Variants in NR3C2 observed in about 807,000 individuals in gnomAD.
The protein encoded by NR3C2 is mineralocorticoid receptor.
NR3C2 carries 15 observed loss-of-function variants against 86.4 expected under a neutral mutation model. The observed-to-expected ratio is 0.17, with a 90% CI of 0.12 to 0.27. The LOEUF is 0.27. Among genes scored for constraint, NR3C2 ranks in the 10% least tolerant of loss-of-function variants. The probability of loss-of-function intolerance (pLI) is 1.00; values close to 1 mark genes in which losing one functional copy is unlikely to be tolerated. For synonymous variants in NR3C2, 458 were observed against 450.5 expected (o/e 1.02, Z -0.21); for missense variants, 960 against 1,195.6 (o/e 0.80, Z 2.91).
intron 6 of NR3C2, among the ~76,000 whole-genome samples, chr4:148,140,284 G>A (rs1162541617): frequency 2.0e-5 from 3 of 152,216 alleles, no homozygotes; most frequent in Non-Finnish European, 4.4e-5. Context: ...GTGGAGAACT[G>A]CCTGAGCTCA....
chr4:148,431,341 A>G (rs1046936963), intron 2 of NR3C2, among the ~76,000 whole-genome samples: 2 of 152,178 alleles, frequency 1.3e-5, no homozygotes, highest in African/African-American at 4.8e-5. Context: ...CTAAATTAGC[A>G]AGTATGTTAA....
intron 2 of NR3C2, among the ~76,000 whole-genome samples, chr4:148,376,898 A>C (rs1470174097): frequency 6.6e-6 from 1 of 152,206 alleles, no homozygotes; most frequent in African/African-American, 2.4e-5. Flanking sequence ...TCAACAACAA[A>C]AACTCTTTTT....
intron 3 of NR3C2, among the ~76,000 whole-genome samples, chr4:148,204,222 G>A (rs2149811163): frequency 6.6e-6 from 1 of 152,202 alleles, no homozygotes; most frequent in South Asian, 2.1e-4. Flanking sequence ...CACTTATTAT[G>A]GTGCGCAGTA....
At chr4:148,111,851 A>C (rs563475369) in intron 8 of NR3C2, among the ~76,000 whole-genome samples, 2 of 152,184 alleles carry the variant, frequency 1.3e-5, no homozygotes, top group Non-Finnish European at 2.9e-5. Flanking sequence ...GAAAGATTGA[A>C]GGAAGGCTGG....
chr4:148,319,634 A>C (rs369394066), intron 2 of NR3C2, among the ~76,000 whole-genome samples: 1 of 149,828 alleles, frequency 6.7e-6, no homozygotes, highest in East Asian at 2.0e-4. Context: ...ATTCTCTTTG[A>C]AGCAATTGTG....
chr4:148,435,823 A>G lies in NR3C2; in HGVS notation c.1038T>C (p.Ser346=). ...ATGTACTGGATCCAGCAGAGGTGCC[A>G]GAAGCAGTGTAGCTGAAGGCATTGT... ...PVNNAFSYTA[S]GTSAGSSTLR... The change falls in exon 2 of 9, where the codon TCT becomes TCC. Residue 346 remains serine (S), a synonymous_variant. Transcript: ENST00000358102. 1 of 1,614,240 alleles carries G rather than the reference A, an allele frequency of 6.2e-7. No individual in the cohort carries two copies. Among genetic ancestry groups the G allele is most frequent in the Non-Finnish European group, 8.5e-7 (1 of 1,180,048 alleles).
At chr4:148,315,360 G>T (rs1743116563) in intron 2 of NR3C2, among the ~76,000 whole-genome samples, 1 of 152,138 alleles carries the variant, frequency 6.6e-6, no homozygotes, top group Non-Finnish European at 1.5e-5. Context: ...ATGTTAAGTT[G>T]TCTCAGTATT....
chr4:148,219,057 C>G (rs1320317270), intron 3 of NR3C2, among the ~76,000 whole-genome samples: 2 of 152,194 alleles, frequency 1.3e-5, no homozygotes, highest in African/African-American at 4.8e-5. Context: ...ATGCTGGCTA[C>G]ACCATTTTAC....
rs562594130 is a variant in NR3C2 at position 148,435,426 on chromosome 4, C to A, written c.1435G>T (p.Gly479Cys). The A allele has an allele frequency of 6.2e-7, 1 of 1,614,116 alleles. No individual in the cohort carries two copies. The highest frequency in any genetic ancestry group is 8.5e-7 in the Non-Finnish European group (1 of 1,180,022). The change falls in exon 2 of 9, where the codon GGC becomes TGC. Residue 479 changes from glycine (G) to cysteine (C), a missense_variant. Physicochemically the swap from Gly to Cys is radical, Grantham distance 159. Coordinates refer to ENST00000358102, the MANE Select transcript of NR3C2 (RefSeq NM_000901.5). ...LSGILGPPVPGFDGNCEGSGF... is the reference protein window; with the variant it reads ...LSGILGPPVPCFDGNCEGSGF... The stretch of plus-strand genomic sequence containing the variant: ...CTGCCTTCACAGTTACCATCAAAGC[C>A]GGGCACAGGTGGTCCTAAAATTCCT...
intron 2 of NR3C2, among the ~76,000 whole-genome samples, chr4:148,344,022 A>G (rs1744874779): frequency 6.6e-6 from 1 of 152,176 alleles, no homozygotes; most frequent in Admixed American, 6.5e-5. Flanking sequence ...CTAAATGGCA[A>G]CTACCGCATA....
intron 3 of NR3C2, among the ~76,000 whole-genome samples, chr4:148,227,654 C>G (rs1579040492): frequency 6.6e-6 from 1 of 152,126 alleles, no homozygotes; most frequent in Non-Finnish European, 1.5e-5. Flanking sequence ...GCACTGTAAG[C>G]TGTCCCTTTT....
At chr4:148,273,518 T>A (rs1740799812) in intron 2 of NR3C2, among the ~76,000 whole-genome samples, 1 of 152,188 alleles carries the variant, frequency 6.6e-6, no homozygotes, top group African/African-American at 2.4e-5. Context: ...AGATGGCATG[T>A]TGGGTTTTTT....
intron 2 of NR3C2, among the ~76,000 whole-genome samples, chr4:148,317,521 T>C (rs1401423965): frequency 6.6e-6 from 1 of 152,032 alleles, no homozygotes; most frequent in Non-Finnish European, 1.5e-5. Context: ...GAACAACTTA[T>C]AAAAAGGTCA....
At chr4:148,333,771 A>G (rs1206634718) in intron 2 of NR3C2, among the ~76,000 whole-genome samples, 1 of 152,198 alleles carries the variant, frequency 6.6e-6, no homozygotes, top group Non-Finnish European at 1.5e-5. Context: ...TTTTTGTCAC[A>G]AGAACAGACT....
intron 2 of NR3C2, among the ~76,000 whole-genome samples, chr4:148,264,136 GA>G (rs1039839284): frequency 1.6e-4 from 24 of 152,076 alleles, no homozygotes; most frequent in Non-Finnish European, 3.2e-4. Flanking sequence ...TTGCACAGAG[GA>G]AAAAAAGAAT....
rs141753735 is a variant in NR3C2 at position 148,238,180 on chromosome 4, C to T, written c.1897+21798G>A. On this transcript the variant is annotated intron_variant, in intron 3 of 8. Transcript: ENST00000358102. The stretch of plus-strand genomic sequence containing the variant: ...CAGCAGGAAAGACTGCAATCACATG[C>T]AATTACAGATGGAAATGACACTCAA... 1.8e-3 allele frequency among the ~76,000 whole-genome samples: 274 copies of T among 152,244 alleles called. 2 individuals are homozygous for T. Among genetic ancestry groups the T allele is most frequent in the African/African-American group, 6.1e-3 (252 of 41,536 alleles).
chr4:148,335,789 G>A (rs1008759286), intron 2 of NR3C2, among the ~76,000 whole-genome samples: 28 of 151,460 alleles, frequency 1.8e-4, no homozygotes, highest in Admixed American at 1.3e-3. Flanking sequence ...AACCTATAAC[G>A]CTACTTCTGA....
intron 2 of NR3C2, among the ~76,000 whole-genome samples, chr4:148,325,774 C>A (rs1000100268): frequency 6.6e-6 from 1 of 152,174 alleles, no homozygotes; most frequent in African/African-American, 2.4e-5. Flanking sequence ...CCTCCCCTTA[C>A]CTATGTAATC....
chr4:148,085,721 T>C (rs554479331), intron 8 of NR3C2, among the ~76,000 whole-genome samples: 2 of 151,600 alleles, frequency 1.3e-5, no homozygotes, highest in Admixed American at 6.6e-5. Flanking sequence ...TTTGAAAAGA[T>C]CAACAAAATA....
Sources: allele counts gnomAD v4.1 joint callset (sites outside exome capture counted in the v4.1 genomes callset), GRCh38; gene constraint gnomAD v4.1.1; transcripts MANE v1.5; gene names NCBI Gene and HGNC (gene_info 2026-07-23, HGNC 2026-07-21).